Variants in CACNA2D4 observed in about 807,000 individuals in gnomAD.
CACNA2D4 encodes calcium voltage-gated channel auxiliary subunit alpha2delta 4, also known as voltage-dependent calcium channel subunit alpha-2/delta-4.
A neutral mutation model predicts 163.8 loss-of-function variants in CACNA2D4; 157 were observed. That is an observed-to-expected ratio of 0.96 (90% CI 0.84 to 1.09). CACNA2D4 has a LOEUF of 1.09. CACNA2D4 is among the 50% of genes least tolerant of loss of function. The pLI is 0.00. For synonymous variants in CACNA2D4, 598 were observed against 586.9 expected (o/e 1.02, Z -0.27); for missense variants, 1,410 against 1,479.9 (o/e 0.95, Z 0.78).
intron 18 of CACNA2D4, among the ~76,000 whole-genome samples, chr12:1,873,886 G>A (rs1361439510): frequency 6.6e-6 from 1 of 152,218 alleles, no homozygotes; most frequent in Admixed American, 6.5e-5. Context: ...GTGCTTTCTT[G>A]TTTGGCTTTC....
chr12:1,796,852 C>T (rs551491032), intron 35 of CACNA2D4, among the ~76,000 whole-genome samples: 2 of 152,320 alleles, frequency 1.3e-5, no homozygotes, highest in African/African-American at 4.8e-5. Context: ...CCCTTCCGCG[C>T]GGCCTCCCTG....
At chr12:1,858,500 G>T (rs1321221268) in intron 20 of CACNA2D4, 77 bp downstream of exon 20, 1 of 1,298,788 alleles carries the variant, frequency 7.7e-7, no homozygotes, top group Non-Finnish European at 1.1e-6. Context: ...CTCTGGTTGG[G>T]GTTGGCCCTG....
chr12:1,844,387 C>G lies in CACNA2D4; in HGVS notation c.2470+15G>C, dbSNP rs745589449. ...GAGACTGGCCCAGCCCCGGGAGCAC[C>G]GGGCTGTGTGTTACCTGGTCCTTCT... On this transcript the variant is annotated intron_variant, in intron 25 of 37. Transcript: ENST00000382722. The surrounding 1 kb of genome is among the most constrained non-coding windows in gnomAD (Gnocchi z 4.2). The G allele has an allele frequency of 6.2e-7, 1 of 1,612,496 alleles. No individual in the cohort carries two copies. Among genetic ancestry groups the G allele is most frequent in the Non-Finnish European group, 8.5e-7 (1 of 1,179,310 alleles).
Position 1,844,649 on chromosome 12 carries a change from G to T in CACNA2D4, c.2343-120C>A. 2 of 1,028,658 alleles carry T rather than the reference G, an allele frequency of 1.9e-6. No individual in the cohort carries two copies. Among genetic ancestry groups the T allele is most frequent in the Non-Finnish European group, 1.4e-6 (1 of 704,296 alleles). 63.7% of individuals were successfully genotyped at this position (1,028,658 alleles called of 1,614,324 possible). A position where few individuals can be genotyped will look rare whatever the true frequency, so the allele number is the denominator to read the frequency against. On this transcript the variant is annotated intron_variant, in intron 24 of 37. Transcript: ENST00000382722. This position sits in a 1 kb window ranked among gnomAD's most constrained non-coding sequence, Gnocchi z 4.2. The stretch of plus-strand genomic sequence containing the variant: ...GAGAGTGATTTTAGCCCCTAAATTA[G>T]TACGGCCCCAGACAATGCTTCCCAG...
chr12:1,819,547 T>C (rs766749758), intron 26 of CACNA2D4, among the ~76,000 whole-genome samples: 5 of 152,098 alleles, frequency 3.3e-5, no homozygotes, highest in Non-Finnish European at 5.9e-5. Flanking sequence ...TTCATCTGTC[T>C]ACAGGCAGTG....
intron 18 of CACNA2D4, among the ~76,000 whole-genome samples, chr12:1,868,681 T>C (rs1002580757): frequency 6.6e-6 from 1 of 152,074 alleles, no homozygotes; most frequent in Non-Finnish European, 1.5e-5. Context: ...GGTATGCTAA[T>C]TTGCTTGACT....
Position 1,806,818 on chromosome 12 carries a change from G to A in CACNA2D4, c.2721+3460C>T, listed in dbSNP as rs1043032201. 3.3e-5 allele frequency among the ~76,000 whole-genome samples: 5 copies of A among 152,116 alleles called. No homozygotes were observed. Among genetic ancestry groups the A allele is most frequent in the Non-Finnish European group, 7.3e-5 (5 of 68,032 alleles). ...CATCTCTAACAAGCTCCCAGATGCT[G>A]GGGCTTCTGTCCTTCAGCCACACTG... is the stretch of plus-strand genomic sequence containing the variant. On this transcript the variant is annotated intron_variant, in intron 29 of 37. Coordinates refer to ENST00000382722, the MANE Select transcript of CACNA2D4 (RefSeq NM_172364.5). The surrounding 1 kb of genome is among the most constrained non-coding windows in gnomAD (Gnocchi z 4.1).
intron 31 of CACNA2D4, 165 bp downstream of exon 31, chr12:1,800,878 T>C: frequency 1.6e-6 from 1 of 632,168 alleles, no homozygotes; most frequent in Non-Finnish European, 2.8e-6. Flanking sequence ...TGCCTGGGAG[T>C]GGGACTGAGA....
At chr12:1,866,091 A>G (rs1384816823) in intron 18 of CACNA2D4, among the ~76,000 whole-genome samples, 5 of 152,134 alleles carry the variant, frequency 3.3e-5, no homozygotes, top group Non-Finnish European at 7.3e-5. Context: ...CTTGTTCTCA[A>G]TTTTAGGGTG....
intron 13 of CACNA2D4, among the ~76,000 whole-genome samples, chr12:1,880,201 C>G (rs1457357744): frequency 6.6e-6 from 1 of 152,238 alleles, no homozygotes; most frequent in Admixed American, 6.5e-5. Context: ...GTGTTAAGTG[C>G]AAACCCAGGA....
At chr12:1,805,072 G>A (rs892594463) in intron 29 of CACNA2D4, among the ~76,000 whole-genome samples, 9 of 152,174 alleles carry the variant, frequency 5.9e-5, no homozygotes, top group African/African-American at 2.2e-4. Flanking sequence ...AGCATAGCAC[G>A]ATGCAGGGGC....
At chr12:1,855,271 A>T (rs1431707754) in intron 22 of CACNA2D4, among the ~76,000 whole-genome samples, 2 of 152,124 alleles carry the variant, frequency 1.3e-5, no homozygotes, top group Non-Finnish European at 2.9e-5. Context: ...CTCAGTACAG[A>T]TTTGTTGATG....
At chr12:1,885,142 G>T in intron 9 of CACNA2D4, 66 bp from the exon 10 acceptor site, 1 of 1,373,618 alleles carries the variant, frequency 7.3e-7, no homozygotes, top group Non-Finnish European at 1.0e-6. Context: ...TTCATGTTTG[G>T]TGTTAATTTG....
rs558581199 is a variant in CACNA2D4, at chr12:1,838,314, G to A, written c.2551+2425C>T. On this transcript the variant is annotated intron_variant, in intron 26 of 37. Coordinates refer to ENST00000382722, the MANE Select transcript of CACNA2D4 (RefSeq NM_172364.5). ...AGTGCCCGTCTCCTACCTTCCCCTC[G>A]AGCTCGGTGCGCAATCGTCACCATA... 6.6e-5 allele frequency among the ~76,000 whole-genome samples: 10 copies of A among 152,132 alleles called. No individual in the cohort carries two copies. The South Asian group carries it at 2.1e-3, about 32-fold the overall frequency.
Position 1,878,228 on chromosome 12 carries a change from T to G in CACNA2D4, c.1719+87A>C. ...CACTGGGTTCCTAAATGGAGCCCAA[T>G]GTGTGTTTGTTGTTTTAATCGTTTT... On this transcript the variant is annotated intron_variant, in intron 16 of 37. Transcript: ENST00000382722. This position sits in a 1 kb window ranked among gnomAD's most constrained non-coding sequence, Gnocchi z 4.6. 1 of 1,426,492 alleles carries G rather than the reference T, an allele frequency of 7.0e-7. No individual in the cohort carries two copies. The highest frequency in any genetic ancestry group is 9.7e-7 in the Non-Finnish European group (1 of 1,033,420). 88.4% of individuals were successfully genotyped at this position (1,426,492 alleles called of 1,614,324 possible).
Position 1,844,343 on chromosome 12 carries a change from G to A in CACNA2D4, c.2470+59C>T, listed in dbSNP as rs1865094508. On this transcript the variant is annotated intron_variant, in intron 25 of 37. Transcript: ENST00000382722. The surrounding 1 kb of genome is among the most constrained non-coding windows in gnomAD (Gnocchi z 4.2). ...ATTTCCCACTAAGAGCACAGCAGGA[G>A]GAGAGATGAGACTGGCCTGAGACTG... is the stretch of plus-strand genomic sequence containing the variant. 1.3e-6 allele frequency: 2 copies of A among 1,589,048 alleles called. No individual in the cohort carries two copies.
chr12:1,861,849 G>A (rs1865532547), intron 18 of CACNA2D4, among the ~76,000 whole-genome samples: 3 of 152,064 alleles, frequency 2.0e-5, no homozygotes. Flanking sequence ...ACCTGTCAAG[G>A]TACAGAACAG....
chr12:1,907,852 C>T, intron 5 of CACNA2D4, 23 bp downstream of exon 5: 1 of 1,613,336 alleles, frequency 6.2e-7, no homozygotes. Context: ...GGTGAGTGTG[C>T]CTGAGCTGAG....
chr12:1,914,378 G>A (rs1479273593), intron 2 of CACNA2D4, among the ~76,000 whole-genome samples: 1 of 152,174 alleles, frequency 6.6e-6, no homozygotes, highest in Non-Finnish European at 1.5e-5. Context: ...TATTAAGGGG[G>A]CGGATGCTGG....
Sources: allele counts gnomAD v4.1 joint callset (sites outside exome capture counted in the v4.1 genomes callset), GRCh38; gene constraint gnomAD v4.1.1; non-coding constraint Gnocchi (gnomAD v3.1); transcripts MANE v1.5; gene names NCBI Gene and HGNC (gene_info 2026-07-23, HGNC 2026-07-21).